PANX1: variants seen among roughly 807,000 people sequenced by gnomAD.
The protein encoded by PANX1 is pannexin 1.
A neutral mutation model predicts 38.7 loss-of-function variants in PANX1; 30 were observed. That is an observed-to-expected ratio of 0.78 (90% confidence interval 0.58 to 1.05). The LOEUF (loss-of-function observed/expected upper bound fraction) is 1.05, where lower values mean the gene tolerates loss of function less well. Ranked by LOEUF, PANX1 falls within the 50% of genes least tolerant of loss-of-function variation. The pLI, the probability that PANX1 is intolerant of heterozygous loss-of-function variation, is 0.00. For synonymous variants in PANX1, 230 were observed against 212.2 expected (o/e 1.08, Z -0.73); for missense variants, 551 against 517.2 (o/e 1.07, Z -0.63).
intron 2 of PANX1, among the ~76,000 whole-genome samples, chr11:94,173,290 TCTC>T (rs1397113677): frequency 2.0e-5 from 3 of 151,646 alleles, no homozygotes; most frequent in African/African-American, 7.3e-5. Flanking sequence ...CTTCTGGTCT[TCTC>T]CTTCTGCCCA....
chr11:94,129,478 CAGG>C lies in PANX1; in HGVS notation c.169_171del (p.Glu57del), dbSNP rs750518405. 1.2e-6 allele frequency: 2 copies of C among 1,610,728 alleles called. No homozygotes were observed. The highest frequency in any genetic ancestry group is 2.2e-5 in the South Asian group (2 of 90,618). ...GCTGCTCATCTCGCTGGCCTTCGCG[CAGG>C]AGATCTCGATTGGTAAGCCTCGCCC... On this transcript the variant is annotated inframe_deletion, in exon 1 of 5. Coordinates refer to ENST00000227638, the MANE Select transcript of PANX1 (RefSeq NM_015368.4).
chr11:94,136,119 AG>A (rs1227524349), intron 1 of PANX1, among the ~76,000 whole-genome samples: 1 of 151,946 alleles, frequency 6.6e-6, no homozygotes, highest in African/African-American at 2.4e-5. Flanking sequence ...TAGTCGCAGC[AG>A]TATCAGTTTC....
intron 1 of PANX1, among the ~76,000 whole-genome samples, chr11:94,136,566 G>A (rs542106845): frequency 6.6e-6 from 1 of 152,222 alleles, no homozygotes; most frequent in South Asian, 2.1e-4. Flanking sequence ...GGATCACGAG[G>A]TCAGGAGATC....
chr11:94,175,821 C>T (rs1947225901), intron 2 of PANX1: 1 of 984,752 alleles, frequency 1.0e-6, no homozygotes, highest in South Asian at 4.7e-5. Context: ...CAGCCCTTTG[C>T]AAATTGGGTT....
chr11:94,160,076 C>T (rs1338908276), intron 2 of PANX1, among the ~76,000 whole-genome samples: 3 of 152,060 alleles, frequency 2.0e-5, no homozygotes, highest in African/African-American at 7.2e-5. Flanking sequence ...AGTTTGATTG[C>T]AGTGTGGTCT....
At chr11:94,134,355 C>A (rs1402642397) in intron 1 of PANX1, among the ~76,000 whole-genome samples, 2 of 152,092 alleles carry the variant, frequency 1.3e-5, no homozygotes, top group Non-Finnish European at 2.9e-5. Flanking sequence ...AATGGCTGGG[C>A]GACAGCTTTG....
At chr11:94,153,072 A>C (rs2134493692) in intron 1 of PANX1, among the ~76,000 whole-genome samples, 1 of 152,158 alleles carries the variant, frequency 6.6e-6, no homozygotes, top group South Asian at 2.1e-4. Flanking sequence ...CTTTGTTCTA[A>C]AAGAACTTGT....
chr11:94,180,395 G>C, intron 4 of PANX1, 138 bp downstream of exon 4: 1 of 700,480 alleles, frequency 1.4e-6, no homozygotes, highest in Non-Finnish European at 2.3e-6. Flanking sequence ...CCAAGGTGCG[G>C]GGTAGGGGGA....
rs1390928960 is a variant in PANX1 at position 94,179,584 on chromosome 11, G to C, written c.546-18G>C. 6.3e-7 allele frequency: 1 copy of C among 1,598,456 alleles called. No individual in the cohort carries two copies. The highest frequency in any genetic ancestry group is 8.6e-7 in the Non-Finnish European group (1 of 1,167,576). ...CTTGATGAGTGCCTAAGTTATTTTT[G>C]TTTCCTTTATTTTTTAGTTTGTGGG... On this transcript the variant is annotated intron_variant, in intron 3 of 4. Coordinates refer to ENST00000227638, the MANE Select transcript of PANX1 (RefSeq NM_015368.4).
At chr11:94,161,671 C>T (rs1257558648) in intron 2 of PANX1, among the ~76,000 whole-genome samples, 4 of 152,048 alleles carry the variant, frequency 2.6e-5, no homozygotes, top group African/African-American at 4.8e-5. Flanking sequence ...TTCGAACTTC[C>T]TCCTTTAGCT....
At chr11:94,167,697 A>C (rs1176398678) in intron 2 of PANX1, among the ~76,000 whole-genome samples, 1 of 152,228 alleles carries the variant, frequency 6.6e-6, no homozygotes, top group Non-Finnish European at 1.5e-5. Flanking sequence ...AAATAATCAA[A>C]TAGAAATTCT....
rs183134854 is a variant in PANX1 at position 94,165,870 on chromosome 11, A to C, written c.321+12240A>C. On this transcript the variant is annotated intron_variant, in intron 2 of 4. Coordinates refer to ENST00000227638, the MANE Select transcript of PANX1 (RefSeq NM_015368.4). ...AGAGGTTGCAGTGAGCTGAGATCGC[A>C]CCATTGCACTCCAGCCTGGGCAACA... 4.6e-4 allele frequency among the ~76,000 whole-genome samples: 70 copies of C among 152,284 alleles called. No individual in the cohort carries two copies. In the South Asian group the frequency reaches 6.0e-3, roughly 13 times the overall value.
At chr11:94,175,525 T>G (rs1322409669) in intron 2 of PANX1, among the ~76,000 whole-genome samples, 1 of 151,774 alleles carries the variant, frequency 6.6e-6, no homozygotes, top group Non-Finnish European at 1.5e-5. Flanking sequence ...CAGTTCGAAG[T>G]GAAATGCCAT....
At chr11:94,178,737 TGTA>T (rs376738243) in intron 3 of PANX1, 145 bp downstream of exon 3, 2 of 639,012 alleles carry the variant, frequency 3.1e-6, no homozygotes, top group African/African-American at 3.6e-5. Flanking sequence ...AGTGACAGCC[TGTA>T]GTATCCCGGG....
At chr11:94,130,977 G>A (rs1193525750) in intron 1 of PANX1, among the ~76,000 whole-genome samples, 2 of 152,178 alleles carry the variant, frequency 1.3e-5, no homozygotes, top group Non-Finnish European at 2.9e-5. Flanking sequence ...CATAGTCATC[G>A]GGATGTTCTT....
intron 1 of PANX1, among the ~76,000 whole-genome samples, chr11:94,137,848 C>T (rs1450220093): frequency 6.8e-6 from 1 of 146,372 alleles, no homozygotes; most frequent in Non-Finnish European, 1.5e-5. Context: ...TATAATACTA[C>T]CAGGGATAAC....
chr11:94,131,579 A>G (rs1946630084), intron 1 of PANX1, among the ~76,000 whole-genome samples: 1 of 152,192 alleles, frequency 6.6e-6, no homozygotes, highest in Non-Finnish European at 1.5e-5. Flanking sequence ...AGGCTGGTGA[A>G]GGTTGGCAGG....
At chr11:94,156,718 T>C (rs984708763) in intron 2 of PANX1, among the ~76,000 whole-genome samples, 5 of 129,502 alleles carry the variant, frequency 3.9e-5, no homozygotes, top group Non-Finnish European at 7.4e-5. Context: ...TTTTTCTCGT[T>C]TTTTTTTTTC....
In PANX1 at chr11:94,179,992, C is replaced by T. The variant is rs754821564; in HGVS notation, c.936C>T (p.Leu312=). The part of the protein sequence containing the change: ...KTDVLKVYEI[L]PTFDVLHFKS... ...ATGTTCTCAAAGTGTACGAAATCCT[C>T]CCCACTTTTGATGTTCTGCATTTCA... The change falls in exon 4 of 5, where the codon CTC becomes CTT. Residue 312 remains leucine (L), a synonymous_variant. Coordinates refer to ENST00000227638, the MANE Select transcript of PANX1 (RefSeq NM_015368.4). 1 of 1,595,128 alleles carries T rather than the reference C, an allele frequency of 6.3e-7. No homozygotes were observed. Among genetic ancestry groups the T allele is most frequent in the South Asian group, 1.1e-5 (1 of 88,552 alleles).
Sources: allele counts gnomAD v4.1 joint callset (sites outside exome capture counted in the v4.1 genomes callset), GRCh38; gene constraint gnomAD v4.1.1; transcripts MANE v1.5; gene names NCBI Gene and HGNC (gene_info 2026-07-23, HGNC 2026-07-21).